VPS8: variants seen among roughly 807,000 people sequenced by gnomAD.
VPS8 encodes the protein vacuolar protein sorting-associated protein 8 homolog.
In VPS8, 129 loss-of-function variants were observed where a neutral mutation model predicts 216.4. The observed-to-expected ratio is 0.60, with a 90% CI of 0.52 to 0.69. The LOEUF (loss-of-function observed/expected upper bound fraction) is 0.69. Ranked by LOEUF, VPS8 falls within the 30% of genes least tolerant of loss-of-function variation. VPS8 has a pLI of 0.00. For missense variants in VPS8, 1,531 were observed against 1,683.5 expected (o/e 0.91, Z 1.59); for synonymous variants, 571 against 565.4 (o/e 1.01, Z -0.14).
chr3:184,826,194 T>C lies in VPS8; in HGVS notation c.185T>C (p.Val62Ala), dbSNP rs1215983232. ...IDDKEFDIPQVDTPPTLESIL... is the reference protein window; with the variant it reads ...IDDKEFDIPQADTPPTLESIL... Reference sequence around the variant, plus strand: ...GACAAGGAGTTTGATATTCCTCAAGTTGATACTCCTCCAACACTGGAAAGC... The same window carrying C: ...GACAAGGAGTTTGATATTCCTCAAGCTGATACTCCTCCAACACTGGAAAGC... Residue 62 changes from valine (V) to alanine (A), a missense_variant, in exon 3 of 48, where the codon GTT (valine) becomes GCT (alanine). Transcript: ENST00000625842. 1 of 1,611,614 alleles carries C rather than the reference T, an allele frequency of 6.2e-7. No individual in the cohort carries two copies. The highest frequency in any genetic ancestry group is 8.5e-7 in the Non-Finnish European group (1 of 1,178,850).
chr3:184,912,273 CATAGA>C (rs1264732707), intron 25 of VPS8, among the ~76,000 whole-genome samples: 3 of 152,110 alleles, frequency 2.0e-5, no homozygotes, highest in African/African-American at 7.2e-5. Context: ...GTAAAGTAAA[CATAGA>C]ATAGAGGAAG....
chr3:185,049,727 T>C (rs974504468), intron 47 of VPS8, among the ~76,000 whole-genome samples: 11 of 152,208 alleles, frequency 7.2e-5, no homozygotes, highest in African/African-American at 2.7e-4. Flanking sequence ...CATTTGTTCC[T>C]GAGCTTGTCT....
chr3:185,013,449 A>C (rs1389165053), intron 45 of VPS8, among the ~76,000 whole-genome samples: 1 of 152,230 alleles, frequency 6.6e-6, no homozygotes, highest in Non-Finnish European at 1.5e-5. Context: ...AAGTGTTTTT[A>C]TCCATTTTAA....
intron 7 of VPS8, 131 bp from the exon 8 acceptor site, chr3:184,843,109 A>G (rs1173597911): frequency 3.6e-6 from 2 of 548,142 alleles, no homozygotes; most frequent in Admixed American, 7.6e-5. Flanking sequence ...CAAATTTAGT[A>G]TCATTCCCAC....
chr3:185,017,973 T>C (rs1756054319), intron 45 of VPS8, among the ~76,000 whole-genome samples: 1 of 152,204 alleles, frequency 6.6e-6, no homozygotes, highest in East Asian at 1.9e-4. Context: ...CCTCAACTGG[T>C]GGCCTGACTT....
At chr3:184,876,353 C>CT (rs200594499) in intron 21 of VPS8, among the ~76,000 whole-genome samples, 5,146 of 145,264 alleles carry the variant, frequency 0.035, 142 homozygotes, top group African/African-American at 0.073. Flanking sequence ...GTTAAAAATG[C>CT]TTTTTTTTTT....
At chr3:184,942,482 A>G (rs1742901315) in intron 36 of VPS8, among the ~76,000 whole-genome samples, 1 of 152,150 alleles carries the variant, frequency 6.6e-6, no homozygotes. Context: ...TTCCCCAAAA[A>G]GTGACATGAC....
At chr3:184,994,732 T>C (rs553305618) in intron 43 of VPS8, among the ~76,000 whole-genome samples, 22 of 152,338 alleles carry the variant, frequency 1.4e-4, no homozygotes, top group African/African-American at 4.3e-4. Flanking sequence ...TAAATGAGTA[T>C]TATTTTAAAC....
intron 37 of VPS8, among the ~76,000 whole-genome samples, chr3:184,958,678 A>G (rs1746008951): frequency 6.6e-6 from 1 of 152,248 alleles, no homozygotes; most frequent in Non-Finnish European, 1.5e-5. Context: ...ATTCCAAGTC[A>G]GAAAAATGGG....
chr3:184,965,805 A>G (rs1246430462), intron 38 of VPS8, among the ~76,000 whole-genome samples: 1 of 152,216 alleles, frequency 6.6e-6, no homozygotes, highest in African/African-American at 2.4e-5. Flanking sequence ...TGGTACAGGT[A>G]TGAGTCTATG....
At chr3:185,021,418 C>T (rs1328978011) in intron 45 of VPS8, among the ~76,000 whole-genome samples, 1 of 152,192 alleles carries the variant, frequency 6.6e-6, no homozygotes, top group East Asian at 1.9e-4. Context: ...ATAAATTGTC[C>T]ACCACCACAT....
rs765928456 is a variant in VPS8, at chr3:184,999,692, G to A, written c.3837-4G>A. On this transcript the variant is annotated splice_region_variant and splice_polypyrimidine_tract_variant and intron_variant, in intron 44 of 47. Coordinates refer to ENST00000625842, the MANE Select transcript of VPS8 (RefSeq NM_001009921.3). ...AGTACAAATTGGTTGCCTTCGTTTT[G>A]CAGCTGTGGCCATTTGTATCACTCA... 1.9e-6 allele frequency: 3 copies of A among 1,599,420 alleles called. No homozygotes were observed. The highest frequency in any genetic ancestry group is 2.6e-6 in the Non-Finnish European group (3 of 1,175,770).
chr3:184,944,918 A>G (rs531683019), intron 36 of VPS8, among the ~76,000 whole-genome samples: 101 of 152,292 alleles, frequency 6.6e-4, no homozygotes, highest in African/African-American at 2.3e-3. Flanking sequence ...TATTGAAATA[A>G]TATATTTCAA....
chr3:185,029,527 G>A (rs973553814), intron 46 of VPS8, among the ~76,000 whole-genome samples: 4 of 151,834 alleles, frequency 2.6e-5, no homozygotes, highest in Non-Finnish European at 5.9e-5. Context: ...CCACTCTGCC[G>A]CTGCATGTCA....
At chr3:184,894,978 G>A (rs1294006010) in intron 23 of VPS8, 53 bp downstream of exon 23, 11 of 1,445,890 alleles carry the variant, frequency 7.6e-6, no homozygotes, top group East Asian at 2.4e-5. Context: ...TTCCTTTATT[G>A]ATAACACTTA....
At chr3:184,882,513 G>T in intron 21 of VPS8, 1 of 341,832 alleles carries the variant, frequency 2.9e-6, no homozygotes, top group Non-Finnish European at 5.8e-6. Flanking sequence ...GAAGAACATT[G>T]GTCTGTAGTT....
chr3:184,834,800 G>T, intron 5 of VPS8, 58 bp downstream of exon 5: 1 of 1,353,334 alleles, frequency 7.4e-7, no homozygotes. Flanking sequence ...AATGAAGTAG[G>T]AATGAGCATA....
intron 5 of VPS8, among the ~76,000 whole-genome samples, chr3:184,837,433 C>G (rs750109578): frequency 2.6e-5 from 4 of 152,202 alleles, no homozygotes; most frequent in Non-Finnish European, 4.4e-5. Context: ...TGACCTTCAT[C>G]TGCTGTCTCA....
chr3:184,956,846 C>T (rs1284576094), intron 36 of VPS8, among the ~76,000 whole-genome samples: 1 of 152,164 alleles, frequency 6.6e-6, no homozygotes, highest in African/African-American at 2.4e-5. Flanking sequence ...TTAGTCCTCA[C>T]TATGTGCAAG....
Sources: allele counts gnomAD v4.1 joint callset (sites outside exome capture counted in the v4.1 genomes callset), GRCh38; gene constraint gnomAD v4.1.1; transcripts MANE v1.5; gene names NCBI Gene and HGNC (gene_info 2026-07-23, HGNC 2026-07-21).